FHIT: variants seen among roughly 807,000 people sequenced by gnomAD.
FHIT encodes bis(5'-adenosyl)-triphosphatase.
A neutral mutation model predicts 17.9 loss-of-function variants in FHIT; 19 were observed. The ratio of observed to expected loss-of-function variants is 1.06; its 90% confidence interval spans 0.74 to 1.56. FHIT has a LOEUF of 1.56. Ranked by LOEUF, FHIT falls within the 40% of genes most tolerant of loss-of-function variation. The pLI, the probability that FHIT is intolerant of heterozygous loss-of-function variation, is 0.00. For synonymous variants in FHIT, 81 were observed against 69.7 expected (o/e 1.16, Z -0.81); for missense variants, 248 against 189.2 (o/e 1.31, Z -1.82).
chr3:60,135,246 G>A (rs1356358708), intron 5 of FHIT, among the ~76,000 whole-genome samples: 1 of 152,068 alleles, frequency 6.6e-6, no homozygotes, highest in African/African-American at 2.4e-5. Context: ...CGGCACCCAG[G>A]GCTGAGGTGG....
chr3:60,330,698 G>A (rs1709925113), intron 5 of FHIT, among the ~76,000 whole-genome samples: 1 of 152,218 alleles, frequency 6.6e-6, no homozygotes, highest in Non-Finnish European at 1.5e-5. Context: ...GTTCCCTGCT[G>A]TGTTCTTTAC....
At chr3:60,213,460 C>G (rs1028868162) in intron 5 of FHIT, among the ~76,000 whole-genome samples, 5 of 152,198 alleles carry the variant, frequency 3.3e-5, no homozygotes, top group African/African-American at 1.2e-4. Context: ...TCCTGTGATT[C>G]AGACATTGGA....
At chr3:60,413,423 C>T (rs1446558078) in intron 5 of FHIT, among the ~76,000 whole-genome samples, 1 of 152,118 alleles carries the variant, frequency 6.6e-6, no homozygotes, top group Non-Finnish European at 1.5e-5. Flanking sequence ...ATGAAAGTAG[C>T]TCAGAACATA....
chr3:61,182,431 A>T (rs2038370520), intron 2 of FHIT, among the ~76,000 whole-genome samples: 1 of 152,200 alleles, frequency 6.6e-6, no homozygotes, highest in Non-Finnish European at 1.5e-5. Context: ...TTTTTGAAGA[A>T]GACAATTTTA....
intron 3 of FHIT, among the ~76,000 whole-genome samples, chr3:60,851,322 T>C (rs979848795): frequency 6.6e-6 from 1 of 152,122 alleles, no homozygotes; most frequent in Admixed American, 6.6e-5. Flanking sequence ...CCTTCTTTGA[T>C]CAAGGATCAG....
chr3:60,158,488 T>G (rs1319295429), intron 5 of FHIT, among the ~76,000 whole-genome samples: 1 of 152,084 alleles, frequency 6.6e-6, no homozygotes, highest in Non-Finnish European at 1.5e-5. Context: ...ATTTTTGTAT[T>G]TTTAGTAGAG....
At chr3:60,839,027 C>G (rs564047338) in intron 3 of FHIT, among the ~76,000 whole-genome samples, 3 of 152,002 alleles carry the variant, frequency 2.0e-5, no homozygotes, top group African/African-American at 7.2e-5. Context: ...GAATGCCTGG[C>G]TGAGGTATAG....
chr3:60,224,243 C>T (rs1396160710), intron 5 of FHIT, among the ~76,000 whole-genome samples: 2 of 152,152 alleles, frequency 1.3e-5, no homozygotes, highest in Non-Finnish European at 2.9e-5. Context: ...ATCCATTCTT[C>T]CTGGTTCCAG....
At position 61,190,477 on chromosome 3, in the gene FHIT, T is replaced by C. The variant is rs1046498614; in HGVS notation, c.-164+10140A>G. Among the ~76,000 whole-genome samples, 5 of 152,268 alleles carry C rather than the reference T, an allele frequency of 3.3e-5. No individual in the cohort carries two copies. The South Asian group carries it at 1.0e-3, about 32-fold the overall frequency. Reference sequence around the variant, plus strand: ...GAGAAATAGGAACACTGTTACACTGTTGGTGGGACTGTAAACTAGTTCAAC... The same window carrying C: ...GAGAAATAGGAACACTGTTACACTGCTGGTGGGACTGTAAACTAGTTCAAC... On this transcript the variant is annotated intron_variant, in intron 2 of 9. Coordinates refer to ENST00000492590, the MANE Select transcript of FHIT (RefSeq NM_002012.4).
chr3:59,917,049 G>A (rs895565433), intron 8 of FHIT, among the ~76,000 whole-genome samples: 2 of 152,210 alleles, frequency 1.3e-5, no homozygotes, highest in Admixed American at 6.5e-5. Context: ...GTCAAATGCC[G>A]TGTGAAAGAG....
intron 5 of FHIT, among the ~76,000 whole-genome samples, chr3:60,319,869 T>C (rs1709342041): frequency 6.6e-6 from 1 of 152,082 alleles, no homozygotes; most frequent in African/African-American, 2.4e-5. Flanking sequence ...TTCTTTAATT[T>C]CATGGGAAGG....
chr3:61,030,210 T>G (rs1162661012), intron 3 of FHIT, among the ~76,000 whole-genome samples: 1 of 152,186 alleles, frequency 6.6e-6, no homozygotes, highest in Admixed American at 6.5e-5. Context: ...CCTCAAGCCA[T>G]CCACCCACCT....
intron 5 of FHIT, among the ~76,000 whole-genome samples, chr3:60,266,495 C>T (rs1706583399): frequency 6.6e-6 from 1 of 152,006 alleles, no homozygotes. Flanking sequence ...TTGCACAATT[C>T]TGATAATGTT....
chr3:60,789,823 C>G (rs1553728035), intron 4 of FHIT, among the ~76,000 whole-genome samples: 1 of 152,134 alleles, frequency 6.6e-6, no homozygotes, highest in Non-Finnish European at 1.5e-5. Context: ...AACAATTATA[C>G]TGTTAATAAT....
chr3:59,929,710 T>G (rs1705869248), intron 7 of FHIT, among the ~76,000 whole-genome samples: 1 of 152,184 alleles, frequency 6.6e-6, no homozygotes, highest in South Asian at 2.1e-4. Context: ...TTGTTTCCAT[T>G]TGCTGAATAT....
In FHIT at chr3:60,245,679, C is replaced by T. The variant is rs536998995; in HGVS notation, c.104-231527G>A. 1.5e-3 allele frequency among the ~76,000 whole-genome samples: 227 copies of T among 152,138 alleles called. 1 individual carries two copies. The highest frequency in any genetic ancestry group is 6.8e-3 in the Middle Eastern group (2 of 294). On this transcript the variant is annotated intron_variant, in intron 5 of 9. Transcript: ENST00000492590. ...ATATATGATATTCCCAGCCCTTGATCCAGAACTTCCAATTCTAGTGGAATT... is the reference window on the plus strand; with the variant it reads ...ATATATGATATTCCCAGCCCTTGATTCAGAACTTCCAATTCTAGTGGAATT...
At chr3:61,029,026 C>A (rs2107662982) in intron 3 of FHIT, among the ~76,000 whole-genome samples, 1 of 152,214 alleles carries the variant, frequency 6.6e-6, no homozygotes, top group South Asian at 2.1e-4. Context: ...CAAGGCTCTT[C>A]CAGAATGGTT....
intron 4 of FHIT, among the ~76,000 whole-genome samples, chr3:60,662,667 T>A (rs889089663): frequency 6.6e-6 from 1 of 152,188 alleles, no homozygotes; most frequent in Non-Finnish European, 1.5e-5. Context: ...ATATTGATTC[T>A]ATCCATCCCT....
chr3:60,842,647 T>TATATATATATATATA (rs1406123749), intron 3 of FHIT, among the ~76,000 whole-genome samples: 49 of 92,446 alleles, frequency 5.3e-4, no homozygotes, highest in African/African-American at 2.2e-3. Context: ...ATATATATAT[T>TATATATATATATATA]TTTTTTTTTT....
Sources: allele counts gnomAD v4.1 joint callset (sites outside exome capture counted in the v4.1 genomes callset), GRCh38; gene constraint gnomAD v4.1.1; transcripts MANE v1.5; gene names NCBI Gene and HGNC (gene_info 2026-07-23, HGNC 2026-07-21).